Variants in STAB2 observed in about 807,000 individuals in gnomAD.
STAB2 encodes stabilin 2.
In STAB2, 288 loss-of-function variants were observed where a neutral mutation model predicts 338.1. The observed-to-expected ratio is 0.85, with a 90% CI of 0.77 to 0.94. The LOEUF (loss-of-function observed/expected upper bound fraction) is 0.94, where lower values mean the gene tolerates loss of function less well. STAB2 is among the 40% of genes least tolerant of loss of function. The pLI is 0.00. For missense variants in STAB2, 3,141 were observed against 3,210.1 expected (o/e 0.98, Z 0.52); for synonymous variants, 1,202 against 1,193.3 (o/e 1.01, Z -0.15).
At chr12:103,621,471 G>T (rs10861058) in intron 4 of STAB2, among the ~76,000 whole-genome samples, 1 of 152,108 alleles carries the variant, frequency 6.6e-6, no homozygotes, top group Non-Finnish European at 1.5e-5. Flanking sequence ...GGTGGCTCAC[G>T]CCTGTAATCC....
chr12:103,676,288 A>G (rs2138840966), intron 24 of STAB2, among the ~76,000 whole-genome samples: 1 of 151,028 alleles, frequency 6.6e-6, no homozygotes, highest in Non-Finnish European at 1.5e-5. Flanking sequence ...GAAACTCCTG[A>G]CCTCGTGATC....
At chr12:103,620,603 C>A in intron 4 of STAB2, 50 bp downstream of exon 4, 2 of 1,454,258 alleles carry the variant, frequency 1.4e-6, no homozygotes, top group South Asian at 2.5e-5. Flanking sequence ...TCCCCATCTT[C>A]TTACCTGTTG....
At chr12:103,614,880 T>A (rs1345747667) in intron 3 of STAB2, among the ~76,000 whole-genome samples, 4 of 152,242 alleles carry the variant, frequency 2.6e-5, no homozygotes, top group Non-Finnish European at 5.9e-5. Flanking sequence ...GCCATGCCTA[T>A]TAAAATGTTC....
chr12:103,756,996 A>AATATATATATATATATATATATATATAT (rs869105400), intron 63 of STAB2, among the ~76,000 whole-genome samples: 11 of 56,346 alleles, frequency 2.0e-4, no homozygotes, highest in South Asian at 2.2e-3. Context: ...AAGGAGGGAA[A>AATATATATATATATATATATATATATAT]ATATATATAT....
intron 63 of STAB2, among the ~76,000 whole-genome samples, chr12:103,756,996 A>AAT (rs869105400): frequency 0.15 from 8,147 of 55,154 alleles, 302 homozygotes; most frequent in Non-Finnish European, 0.17. Context: ...AAGGAGGGAA[A>AAT]ATATATATAT....
chr12:103,623,073 A>G (rs1053006212), intron 5 of STAB2, among the ~76,000 whole-genome samples: 4 of 152,180 alleles, frequency 2.6e-5, no homozygotes, highest in Non-Finnish European at 5.9e-5. Flanking sequence ...TTTGAGTAAC[A>G]AGTAGTTAGT....
intron 44 of STAB2, among the ~76,000 whole-genome samples, chr12:103,721,366 C>T (rs915406329): frequency 6.6e-6 from 1 of 152,162 alleles, no homozygotes; most frequent in African/African-American, 2.4e-5. Context: ...AAGAGCTTGG[C>T]ATGTTCTGGG....
chr12:103,755,314 C>T lies in STAB2; in HGVS notation c.6727C>T (p.Leu2243=). The T allele has an allele frequency of 6.2e-7, 1 of 1,614,016 alleles. No individual in the cohort carries two copies. The highest frequency in any genetic ancestry group is 8.5e-7 in the Non-Finnish European group (1 of 1,180,012). Residue 2243 remains leucine, a synonymous_variant, in exon 62 of 69, where the codon CTG becomes TTG. Coordinates refer to ENST00000388887, the MANE Select transcript of STAB2 (RefSeq NM_017564.10). ...TGTATCCCTGCAGGCCAAGTACCAC[C>T]TGTGCTCAGCAGGCTGGCTGGAGAC... ...LSYAQKAKYH[L]CSAGWLETGR...
intron 34 of STAB2, among the ~76,000 whole-genome samples, chr12:103,702,588 C>T (rs937182998): frequency 2.6e-5 from 4 of 152,358 alleles, no homozygotes; most frequent in Middle Eastern, 3.4e-3. Context: ...CGTGAGCCAC[C>T]GCGCCCGGCC....
chr12:103,620,227 G>A (rs561750541), intron 3 of STAB2, among the ~76,000 whole-genome samples: 2 of 152,326 alleles, frequency 1.3e-5, no homozygotes, highest in African/African-American at 2.4e-5. Context: ...ATTGTGAAGT[G>A]TATAGCAAAC....
At chr12:103,623,697 T>C (rs1332612984) in intron 5 of STAB2, among the ~76,000 whole-genome samples, 2 of 152,184 alleles carry the variant, frequency 1.3e-5, no homozygotes, top group African/African-American at 2.4e-5. Context: ...ACTTCAGAAA[T>C]GTAAGACAAT....
At chr12:103,642,940 A>C (rs1166220628) in intron 9 of STAB2, among the ~76,000 whole-genome samples, 1 of 152,224 alleles carries the variant, frequency 6.6e-6, no homozygotes, top group Non-Finnish European at 1.5e-5. Context: ...CCCTTGCCTC[A>C]GGTTCTGCTG....
chr12:103,730,239 A>C lies in STAB2; in HGVS notation c.5206A>C (p.Asn1736His). 1 of 1,613,608 alleles carries C rather than the reference A, an allele frequency of 6.2e-7. No homozygotes were observed. Residue 1736 changes from asparagine to histidine, a missense_variant, in exon 49 of 69, where the codon AAC (asparagine) becomes CAC (histidine). Coordinates refer to ENST00000388887, the MANE Select transcript of STAB2 (RefSeq NM_017564.10). ...AAATTTGCTTATCACTCCCAAAGAC[A>C]ACTCTGGAAGAATTCTGGTAGGTAA... ...PKNLLITPKD[N>H]SGRILQNLTT...
At chr12:103,674,437 G>A (rs1323615725) in intron 23 of STAB2, among the ~76,000 whole-genome samples, 1 of 152,086 alleles carries the variant, frequency 6.6e-6, no homozygotes, top group Admixed American at 6.5e-5. Flanking sequence ...CCTAGCACCG[G>A]GGCTAGCACA....
intron 12 of STAB2, among the ~76,000 whole-genome samples, chr12:103,653,706 G>GGGTA (rs1555232239): frequency 9.9e-6 from 1 of 100,946 alleles, no homozygotes; most frequent in Non-Finnish European, 2.1e-5. Context: ...CTGGATGGAT[G>GGGTA]GATAGATGGA....
chr12:103,673,433 A>G (rs937927649), intron 22 of STAB2, among the ~76,000 whole-genome samples: 1 of 151,878 alleles, frequency 6.6e-6, no homozygotes, highest in Admixed American at 6.6e-5. Flanking sequence ...TATAGCTTCA[A>G]CCTCCTGGGC....
intron 44 of STAB2, among the ~76,000 whole-genome samples, chr12:103,721,134 T>TCAC (rs57047472): frequency 0.27 from 41,725 of 151,844 alleles, 9,205 homozygotes; most frequent in African/African-American, 0.62. Flanking sequence ...CCTAATACCA[T>TCAC]AGTGAGGGTT....
chr12:103,732,898 C>A, intron 50 of STAB2, 108 bp from the exon 51 acceptor site: 1 of 1,348,524 alleles, frequency 7.4e-7, no homozygotes, highest in Non-Finnish European at 1.0e-6. Flanking sequence ...TCCAGAGTCC[C>A]AGTAAGCCAC....
intron 28 of STAB2, among the ~76,000 whole-genome samples, chr12:103,689,011 T>G (rs78250234): frequency 2.0e-4 from 4 of 20,102 alleles, no homozygotes; most frequent in African/African-American, 7.7e-4. Flanking sequence ...AGTCTTTTGG[T>G]TTTTTTTTTT....
Sources: allele counts gnomAD v4.1 joint callset (sites outside exome capture counted in the v4.1 genomes callset), GRCh38; gene constraint gnomAD v4.1.1; transcripts MANE v1.5; gene names NCBI Gene and HGNC (gene_info 2026-07-23, HGNC 2026-07-21).